AMZ1: variants seen among roughly 807,000 people sequenced by gnomAD.
AMZ1 encodes the protein archaemetzincin-1.
Under a neutral mutation model 29.9 loss-of-function variants are expected in AMZ1, and 39 were observed. The observed-to-expected ratio is 1.30, with a 90% CI of 1.01 to 1.70. The LOEUF (loss-of-function observed/expected upper bound fraction) is 1.70. AMZ1 is among the 40% of genes most tolerant of loss of function. The pLI is 0.00. For synonymous variants in AMZ1, 458 were observed against 304.0 expected (o/e 1.51, Z -5.27); for missense variants, 1,041 against 680.6 (o/e 1.53, Z -5.89).
At chr7:2,759,070 G>A (rs966707745) in intron 4 of AMZ1, among the ~76,000 whole-genome samples, 2 of 151,650 alleles carry the variant, frequency 1.3e-5, no homozygotes, top group Admixed American at 6.6e-5. Context: ...AACCCAGGGG[G>A]CGGAGGTTGC....
At chr7:2,692,690 G>T (rs1472154536) in intron 1 of AMZ1, among the ~76,000 whole-genome samples, 3 of 152,160 alleles carry the variant, frequency 2.0e-5, no homozygotes, top group Non-Finnish European at 2.9e-5. Flanking sequence ...GTTGCAGGGG[G>T]TGCTGCCTCC....
Position 2,709,111 on chromosome 7 carries a change from A to G in AMZ1, c.638A>G (p.Glu213Gly), listed in dbSNP as rs1013424703. The G allele has an allele frequency of 1.0e-5, 16 of 1,600,960 alleles. No individual in the cohort carries two copies. Among genetic ancestry groups the G allele is most frequent in the Non-Finnish European group, 1.4e-5 (16 of 1,174,146 alleles). Residue 213 changes from glutamate (E) to glycine (G), a missense_variant, in exon 5 of 7, where the codon GAA becomes GGA. By Grantham distance (98) the Glu-to-Gly change is moderately conservative. Coordinates refer to ENST00000683327, the MANE Select transcript of AMZ1 (RefSeq NM_001384743.1). ...GVCSFARFSG[E>G]FPKSGPSAPD... is the part of the protein sequence containing the mutation. ...TGCAGCTTCGCCCGGTTCTCAGGGG[A>G]ATTCCCGAAGTCGGGGCCCAGCGCC...
chr7:2,744,652 G>A (rs1023916977), intron 4 of AMZ1, among the ~76,000 whole-genome samples: 1 of 152,138 alleles, frequency 6.6e-6, no homozygotes, highest in African/African-American at 2.4e-5. Flanking sequence ...ACCAGCAACG[G>A]AACAAAGCTG....
chr7:2,695,233 G>A (rs1026106762), intron 1 of AMZ1, among the ~76,000 whole-genome samples: 1 of 152,132 alleles, frequency 6.6e-6, no homozygotes, highest in African/African-American at 2.4e-5. Flanking sequence ...GTCCAGAGGC[G>A]GGAATTCCAC....
chr7:2,696,345 C>T (rs1039760287), intron 1 of AMZ1, among the ~76,000 whole-genome samples: 4 of 150,320 alleles, frequency 2.7e-5, no homozygotes, highest in Non-Finnish European at 4.4e-5. Context: ...CAAGCTCCGC[C>T]TCCCAGGTTC....
rs57688537 is a variant in AMZ1, at chr7:2,759,424, G to C, written n.551-5288G>C. ...ACTCACGGTGTGTTATTACTGTTCT[G>C]TCCATGTGACAGATGGGAAGACTGA... On this transcript the variant is annotated intron_variant and non_coding_transcript_variant, in intron 4 of 4. Coordinates refer to the AMZ1 transcript ENST00000489665. 4.9e-3 allele frequency among the ~76,000 whole-genome samples: 748 copies of C among 152,242 alleles called. 4 individuals carry two copies. Among genetic ancestry groups the C allele is most frequent in the African/African-American group, 0.017 (687 of 41,538 alleles).
At chr7:2,734,287 A>G (rs923793102) in intron 4 of AMZ1, among the ~76,000 whole-genome samples, 1 of 152,204 alleles carries the variant, frequency 6.6e-6, no homozygotes, top group African/African-American at 2.4e-5. Context: ...ACAGGCACGC[A>G]ATGAGTCCCT....
rs73047343 is a variant in AMZ1 at position 2,713,710 on chromosome 7, C to G, written c.*832C>G. The G allele has an allele frequency of 0.11, 16,856 of 152,604 alleles. 1,172 individuals carry two copies. Among genetic ancestry groups the G allele is most frequent in the Middle Eastern group, 0.23 (69 of 294 alleles). The allele number at this position is 152,604 out of a possible 1,614,324, so 9.5% of individuals were successfully genotyped here. A position where few individuals can be genotyped will look rare whatever the true frequency, so the allele number is the denominator to read the frequency against. On this transcript the variant is annotated 3_prime_UTR_variant, in exon 7 of 7. Transcript: ENST00000683327. ...TCCTGACGGACTTCACCGGGGCTCT[C>G]CAGGCATCTCTTCTGACAAACACTG...
intron 4 of AMZ1, among the ~76,000 whole-genome samples, chr7:2,741,457 G>A (rs956107702): frequency 9.2e-5 from 14 of 152,180 alleles, no homozygotes; most frequent in East Asian, 1.9e-4. Context: ...CAGCAAGTGC[G>A]GCACCAGGCA....
At chr7:2,737,289 G>GTTTTTTTTT (rs11389467) in intron 4 of AMZ1, among the ~76,000 whole-genome samples, 13 of 62,304 alleles carry the variant, frequency 2.1e-4, no homozygotes, top group Non-Finnish European at 2.3e-4. Flanking sequence ...TTTTTTTTTT[G>GTTTTTTTTT]TTTTTTTTTT....
intron 3 of AMZ1, 72 bp downstream of exon 3, chr7:2,702,961 GCCCAGGAGAGGAAGGGAACCTTTTCTT>G: frequency 1.4e-6 from 2 of 1,474,928 alleles, no homozygotes; most frequent in South Asian, 2.6e-5. Flanking sequence ...GGAGGAAGGC[GCCCAGGAGAGGAAGGGAACCTTTTCTT>G]CCTTTTTGCT....
At chr7:2,748,597 T>TGGGCAA (rs1279456790) in intron 4 of AMZ1, among the ~76,000 whole-genome samples, 4 of 152,110 alleles carry the variant, frequency 2.6e-5, no homozygotes, top group Non-Finnish European at 2.9e-5. Flanking sequence ...GACATAGGCA[T>TGGGCAA]GGGCAAGGAC....
chr7:2,747,307 A>G (rs181555672), intron 4 of AMZ1, among the ~76,000 whole-genome samples: 42 of 152,346 alleles, frequency 2.8e-4, no homozygotes, highest in Admixed American at 2.7e-3. Context: ...CAGCACATCA[A>G]AAAGCTTATC....
In AMZ1 at chr7:2,716,085, G is replaced by C. The variant is rs1789106486; in HGVS notation, c.*3207G>C. 3 of 152,220 alleles carry C rather than the reference G, an allele frequency of 2.0e-5. No homozygotes were observed. The highest frequency in any genetic ancestry group is 2.0e-4 in the Admixed American group (3 of 15,282). The allele number at this position is 152,220 out of a possible 1,614,324, so 9.4% of individuals were successfully genotyped here. A position where few individuals can be genotyped will look rare whatever the true frequency, so the allele number is the denominator to read the frequency against. ...GCGGGGCCTCATGGAGCTAAAAATAGTTTCAGGTCATGACAGATGTTATCT... is the reference window on the plus strand; with the variant it reads ...GCGGGGCCTCATGGAGCTAAAAATACTTTCAGGTCATGACAGATGTTATCT... On this transcript the variant is annotated 3_prime_UTR_variant, in exon 7 of 7. Coordinates refer to ENST00000683327, the MANE Select transcript of AMZ1 (RefSeq NM_001384743.1).
downstream of AMZ1, among the ~76,000 whole-genome samples, chr7:2,722,950 G>A (rs532527867): frequency 5.3e-4 from 80 of 152,250 alleles, no homozygotes; most frequent in African/African-American, 1.8e-3. Flanking sequence ...CTGCACTCCA[G>A]CCTGGGCCAC....
intron 2 of AMZ1, among the ~76,000 whole-genome samples, chr7:2,701,541 C>T (rs186386884): frequency 4.1e-4 from 63 of 152,266 alleles, no homozygotes; most frequent in East Asian, 2.9e-3. Flanking sequence ...AACAGGCATC[C>T]GTGCTCAGAA....
At chr7:2,698,909 T>G (rs1787893430) in intron 1 of AMZ1, among the ~76,000 whole-genome samples, 1 of 152,170 alleles carries the variant, frequency 6.6e-6, no homozygotes, top group African/African-American at 2.4e-5. Flanking sequence ...GTTTCTGGTT[T>G]TCCGGCTAGG....
At chr7:2,700,164 C>T (rs1787965001) in intron 1 of AMZ1, 70 bp from the exon 2 acceptor site, 1 of 480,456 alleles carries the variant, frequency 2.1e-6, no homozygotes. Context: ...AGGAGCGGCC[C>T]ATCCCTTGCC....
At chr7:2,751,439 C>CA (rs1791035181) in intron 4 of AMZ1, among the ~76,000 whole-genome samples, 1 of 147,274 alleles carries the variant, frequency 6.8e-6, no homozygotes, top group Non-Finnish European at 1.5e-5. Context: ...AAAAAATGAT[C>CA]AAAAATCACT....
Sources: allele counts gnomAD v4.1 joint callset (sites outside exome capture counted in the v4.1 genomes callset), GRCh38; gene constraint gnomAD v4.1.1; transcripts MANE v1.5; gene names NCBI Gene and HGNC (gene_info 2026-07-23, HGNC 2026-07-21).